The following TBC1D5 variants were observed in gnomAD, a reference collection of about 807,000 sequenced individuals.
TBC1D5 encodes TBC1 domain family, member 5.
A neutral mutation model predicts 100.3 loss-of-function variants in TBC1D5; 75 were observed. The observed-to-expected ratio is 0.75, with a 90% CI of 0.62 to 0.91. TBC1D5 has a LOEUF of 0.91. TBC1D5 is among the 40% of genes least tolerant of loss of function. The pLI is 0.00. For synonymous variants in TBC1D5, 323 were observed against 325.6 expected (o/e 0.99, Z 0.09); for missense variants, 910 against 942.4 (o/e 0.97, Z 0.45).
chr3:17,409,002 A>G (rs2093849757), intron 4 of TBC1D5, among the ~76,000 whole-genome samples: 1 of 152,142 alleles, frequency 6.6e-6, no homozygotes, highest in South Asian at 2.1e-4. Flanking sequence ...ATAATGTTCA[A>G]ATTTATTGTC....
intron 3 of TBC1D5, among the ~76,000 whole-genome samples, chr3:17,451,897 T>C (rs894821420): frequency 6.6e-6 from 1 of 151,886 alleles, no homozygotes; most frequent in Non-Finnish European, 1.5e-5. Flanking sequence ...CACTCCAGCC[T>C]GGGCAACAAA....
chr3:17,631,873 C>T (rs1392197105), intron 1 of TBC1D5, among the ~76,000 whole-genome samples: 1 of 152,204 alleles, frequency 6.6e-6, no homozygotes, highest in Non-Finnish European at 1.5e-5. Context: ...CACCCAAGAG[C>T]TCTGGTGAAG....
At chr3:17,264,787 C>T (rs761064554) in intron 15 of TBC1D5, among the ~76,000 whole-genome samples, 6 of 152,152 alleles carry the variant, frequency 3.9e-5, no homozygotes, top group Non-Finnish European at 5.9e-5. Context: ...ACTAAGTTCC[C>T]AGCACAATAC....
In TBC1D5 at chr3:17,602,624, G is replaced by A. The variant is rs994739839; in HGVS notation, c.-36+21225C>T. 5.3e-5 allele frequency among the ~76,000 whole-genome samples: 7 copies of A among 132,158 alleles called. 1 individual carries two copies. 86.7% of individuals were successfully genotyped at this position (132,158 alleles called of 152,430 possible). A position where few individuals can be genotyped will look rare whatever the true frequency, so the allele number is the denominator to read the frequency against. ...GTCTCTTTCTGTTGCCCAGGCTGGA[G>A]TGCAGTGGCGCAATCTCGGCTCACT... On this transcript the variant is annotated intron_variant, in intron 2 of 21. Coordinates refer to ENST00000253692, the Ensembl canonical transcript of TBC1D5.
intron 16 of TBC1D5, among the ~76,000 whole-genome samples, chr3:17,240,297 G>T (rs2076202193): frequency 6.6e-6 from 1 of 152,092 alleles, no homozygotes; most frequent in Non-Finnish European, 1.5e-5. Flanking sequence ...AAGAAAGATC[G>T]ATTCATTATA....
chr3:17,520,879 G>C (rs2096056961), intron 2 of TBC1D5, among the ~76,000 whole-genome samples: 1 of 152,076 alleles, frequency 6.6e-6, no homozygotes, highest in East Asian at 1.9e-4. Flanking sequence ...AGGAGCTCCA[G>C]GATTAAAAGA....
chr3:17,737,479 AT>A (rs1294006888), intron 1 of TBC1D5, among the ~76,000 whole-genome samples: 1 of 152,054 alleles, frequency 6.6e-6, no homozygotes, highest in Non-Finnish European at 1.5e-5. Flanking sequence ...GCAGATAATT[AT>A]TTTTCATCAT....
chr3:17,627,172 G>C (rs2063127216), intron 1 of TBC1D5, among the ~76,000 whole-genome samples: 2 of 152,188 alleles, frequency 1.3e-5, no homozygotes. Flanking sequence ...TAATGGGTAA[G>C]AGAGAACAAG....
chr3:17,498,580 C>T (rs2095745114), intron 3 of TBC1D5, among the ~76,000 whole-genome samples: 1 of 152,116 alleles, frequency 6.6e-6, no homozygotes, highest in Non-Finnish European at 1.5e-5. Flanking sequence ...AACACATCTC[C>T]TTTTACCAAA....
chr3:17,318,572 G>T (rs2084987690), intron 13 of TBC1D5, among the ~76,000 whole-genome samples: 1 of 152,096 alleles, frequency 6.6e-6, no homozygotes, highest in South Asian at 2.1e-4. Context: ...AAGCTGGGCA[G>T]GAACAGGCAT....
chr3:17,317,103 T>C (rs764609650), intron 13 of TBC1D5, among the ~76,000 whole-genome samples: 14 of 152,160 alleles, frequency 9.2e-5, no homozygotes, highest in Non-Finnish European at 1.9e-4. Flanking sequence ...CCCAAGCAAC[T>C]AGGATGTACT....
chr3:17,515,963 C>T (rs2095981324), intron 2 of TBC1D5, among the ~76,000 whole-genome samples: 2 of 152,066 alleles, frequency 1.3e-5, no homozygotes, highest in Admixed American at 1.3e-4. Context: ...TATTTAAGTC[C>T]CCAAATGCTA....
At chr3:17,655,467 T>C (rs1481763826) in intron 1 of TBC1D5, among the ~76,000 whole-genome samples, 8 of 151,408 alleles carry the variant, frequency 5.3e-5, no homozygotes, top group Non-Finnish European at 1.2e-4. Flanking sequence ...AATAATTAAA[T>C]TAAATTAAAT....
intron 2 of TBC1D5, among the ~76,000 whole-genome samples, chr3:17,618,606 T>TG (rs1406759683): frequency 3.3e-5 from 5 of 152,320 alleles, no homozygotes; most frequent in African/African-American, 1.2e-4. Context: ...GCCTCAGCAA[T>TG]GGGGGACGCC....
chr3:17,591,267 C>CAAAAAAAAAAAAAAAAAAAAAAAAAA (rs370530999), intron 2 of TBC1D5, among the ~76,000 whole-genome samples: 1 of 78,306 alleles, frequency 1.3e-5, no homozygotes, highest in Non-Finnish European at 2.4e-5. Context: ...AAAAAAAAAA[C>CAAAAAAAAAAAAAAAAAAAAAAAAAA]AAAAACCCCA....
chr3:17,341,279 C>T (rs1013153149), intron 13 of TBC1D5, among the ~76,000 whole-genome samples: 9 of 152,218 alleles, frequency 5.9e-5, no homozygotes, highest in South Asian at 2.1e-4. Context: ...TCACTGCAAG[C>T]TCTGCCTCCT....
At chr3:17,485,091 C>G (rs2095545929) in intron 3 of TBC1D5, among the ~76,000 whole-genome samples, 1 of 151,996 alleles carries the variant, frequency 6.6e-6, no homozygotes, top group South Asian at 2.1e-4. Context: ...ATGCATACAA[C>G]TGTCTAATAA....
intron 3 of TBC1D5, among the ~76,000 whole-genome samples, chr3:17,444,640 A>G (rs1434800321): frequency 6.6e-6 from 1 of 152,100 alleles, no homozygotes; most frequent in African/African-American, 2.4e-5. Context: ...CAAAACCACA[A>G]AACAAATAGA....
chr3:17,409,953 T>C (rs1411666434), intron 4 of TBC1D5, among the ~76,000 whole-genome samples: 2 of 152,174 alleles, frequency 1.3e-5, no homozygotes, highest in Admixed American at 6.6e-5. Context: ...AGATAACTGC[T>C]GAAGGTAGCT....
Sources: allele counts gnomAD v4.1 joint callset (sites outside exome capture counted in the v4.1 genomes callset), GRCh38; gene constraint gnomAD v4.1.1; transcripts MANE v1.5; gene names NCBI Gene and HGNC (gene_info 2026-07-23, HGNC 2026-07-21).